SLC36A1: variants seen among roughly 807,000 people sequenced by gnomAD.
SLC36A1 encodes the protein proton-coupled amino acid transporter 1.
In SLC36A1, 30 loss-of-function variants were observed where a neutral mutation model predicts 47.5. The observed-to-expected ratio is 0.63, with a 90% CI of 0.47 to 0.86. The LOEUF (loss-of-function observed/expected upper bound fraction) is 0.86. Among genes scored for constraint, SLC36A1 ranks in the 40% least tolerant of loss-of-function variants. SLC36A1 has a pLI of 0.00. For missense variants in SLC36A1, 517 were observed against 606.0 expected, an observed-to-expected ratio of 0.85 and a Z score of 1.54; for synonymous variants, 255 against 249.7, an observed-to-expected ratio of 1.02 and a Z score of -0.20.
intron 1 of SLC36A1, among the ~76,000 whole-genome samples, chr5:151,440,682 C>T (rs1225058602): frequency 1.3e-5 from 2 of 152,114 alleles, no homozygotes; most frequent in Non-Finnish European, 2.9e-5. Flanking sequence ...TATATAGAAC[C>T]TTTAAGCGCC....
the SLC36A1 span, chr5:151,549,351 C>T: frequency 1.9e-6 from 3 of 1,613,932 alleles, no homozygotes; most frequent in African/African-American, 1.3e-5. Flanking sequence ...ATCCATGGCT[C>T]GGACCTGCAG....
the SLC36A1 span, among the ~76,000 whole-genome samples, chr5:151,379,771 CAT>C: frequency 6.6e-6 from 1 of 152,140 alleles, no homozygotes; most frequent in African/African-American, 2.4e-5. Context: ...AAATATTTTA[CAT>C]GTTTTGTACT....
the SLC36A1 span, among the ~76,000 whole-genome samples, chr5:151,388,636 G>A: frequency 1.3e-5 from 2 of 151,730 alleles, no homozygotes; most frequent in East Asian, 1.9e-4. Context: ...ATGGGCCACC[G>A]TCACTAGTAT....
At chr5:151,449,078 G>T (rs961257046) in intron 1 of SLC36A1, among the ~76,000 whole-genome samples, 2 of 151,930 alleles carry the variant, frequency 1.3e-5, no homozygotes, top group East Asian at 1.9e-4. Context: ...TTTTTATTCC[G>T]AGAGATTTTA....
At chr5:151,370,214 T>C in the SLC36A1 span, among the ~76,000 whole-genome samples, 1 of 152,242 alleles carries the variant, frequency 6.6e-6, no homozygotes, top group Non-Finnish European at 1.5e-5. Context: ...GCAGATTATA[T>C]CTGAGGCAGA....
chr5:151,554,888 G>C, the SLC36A1 span, among the ~76,000 whole-genome samples: 70 of 152,346 alleles, frequency 4.6e-4, no homozygotes, highest in African/African-American at 1.7e-3. Flanking sequence ...ACTGGAAGAA[G>C]ACAGAGTCAG....
intron 1 of SLC36A1, among the ~76,000 whole-genome samples, chr5:151,454,468 A>G (rs1754171384): frequency 6.6e-6 from 1 of 152,080 alleles, no homozygotes; most frequent in Non-Finnish European, 1.5e-5. Flanking sequence ...GGCTCTGCCC[A>G]CTGTCTGATG....
the SLC36A1 span, among the ~76,000 whole-genome samples, chr5:151,526,371 C>A: frequency 9.2e-5 from 14 of 152,220 alleles, no homozygotes; most frequent in African/African-American, 3.4e-4. Context: ...TAAATGATTT[C>A]TTCCTTAGAG....
the SLC36A1 span, chr5:151,381,212 T>G: frequency 5.5e-6 from 2 of 360,840 alleles, no homozygotes; most frequent in Non-Finnish European, 1.1e-5. Flanking sequence ...ACTATATGCC[T>G]CCTCCTCAGG....
intron 2 of SLC36A1, among the ~76,000 whole-genome samples, chr5:151,459,361 C>T (rs561432878): frequency 1.3e-5 from 2 of 152,290 alleles, no homozygotes; most frequent in South Asian, 4.1e-4. Context: ...GAAGAATTAA[C>T]TTCTGCACTT....
At chr5:151,529,407 G>T in the SLC36A1 span, 21 of 1,611,964 alleles carry the variant, frequency 1.3e-5, no homozygotes, top group Admixed American at 8.3e-5. Context: ...AGAAGCAAGA[G>T]GTGACAGCAG....
chr5:151,378,125 G>T, the SLC36A1 span: 1 of 341,958 alleles, frequency 2.9e-6, no homozygotes, highest in Non-Finnish European at 5.8e-6. Context: ...TACAAACATT[G>T]ATGTCTCCAT....
chr5:151,446,090 T>C (rs1752901532), upstream of SLC36A1, among the ~76,000 whole-genome samples: 1 of 152,236 alleles, frequency 6.6e-6, no homozygotes, highest in Non-Finnish European at 1.5e-5. Flanking sequence ...TCTTCTCTTT[T>C]AATGTAGGCA....
chr5:151,477,122 T>C (rs1405029879), intron 9 of SLC36A1: 2 of 369,528 alleles, frequency 5.4e-6, no homozygotes, highest in East Asian at 1.4e-4. Context: ...TCTCCCTTGG[T>C]AGTAACAGGC....
the SLC36A1 span, chr5:151,544,251 G>A: frequency 1.2e-6 from 2 of 1,614,234 alleles, no homozygotes; most frequent in South Asian, 1.1e-5. Context: ...CCAACAGTTG[G>A]ATCACAGGGG....
chr5:151,493,116 T>G (rs1228512675), downstream of SLC36A1, among the ~76,000 whole-genome samples: 1 of 152,214 alleles, frequency 6.6e-6, no homozygotes, highest in African/African-American at 2.4e-5. Context: ...GAGATTAATT[T>G]CAGGACAGGA....
the SLC36A1 span, among the ~76,000 whole-genome samples, chr5:151,514,798 C>G: frequency 6.6e-6 from 1 of 152,170 alleles, no homozygotes; most frequent in Non-Finnish European, 1.5e-5. Flanking sequence ...TTAGCTAAAG[C>G]CAATCTCTCC....
At chr5:151,449,606 A>G (rs1177923903) in intron 1 of SLC36A1, among the ~76,000 whole-genome samples, 1 of 152,218 alleles carries the variant, frequency 6.6e-6, no homozygotes, top group Non-Finnish European at 1.5e-5. Flanking sequence ...CGGTGTAAGA[A>G]AAAGGGATTC....
the SLC36A1 span, among the ~76,000 whole-genome samples, chr5:151,499,545 T>C: frequency 6.6e-6 from 1 of 152,196 alleles, no homozygotes; most frequent in Non-Finnish European, 1.5e-5. Flanking sequence ...GTCCAACAGA[T>C]GTCGTTTTCC....
Sources: gnomAD v4.1 joint callset for allele counts (sites outside exome capture counted in the v4.1 genomes callset) on GRCh38, gnomAD v4.1.1 for gene constraint, MANE v1.5 for transcripts, NCBI Gene and HGNC (gene_info 2026-07-23, HGNC 2026-07-21) for gene names.